UHRF1: variants seen among roughly 807,000 people sequenced by gnomAD.
UHRF1 encodes the protein E3 ubiquitin-protein ligase UHRF1.
UHRF1 carries 9 observed loss-of-function variants against 96.5 expected under a neutral mutation model. The ratio of observed to expected loss-of-function variants is 0.09; its 90% CI spans 0.06 to 0.16. UHRF1 has a LOEUF of 0.16. Ranked by LOEUF, UHRF1 falls within the 10% of genes least tolerant of loss-of-function variation. UHRF1 has a pLI of 1.00. For synonymous variants in UHRF1, 455 were observed against 469.9 expected, an observed-to-expected ratio of 0.97 and a Z score of 0.41; for missense variants, 626 against 1,131.1, an observed-to-expected ratio of 0.55 and a Z score of 6.40.
chr19:4,911,116 C>G, intron 2 of UHRF1, 78 bp downstream of exon 2: 1 of 1,337,224 alleles, frequency 7.5e-7, no homozygotes, highest in Non-Finnish European at 1.0e-6. Flanking sequence ...GATACTTTCT[C>G]CCTCCCACCT....
At chr19:4,919,688 T>G (rs1162407363) in intron 2 of UHRF1, among the ~76,000 whole-genome samples, 1 of 152,160 alleles carries the variant, frequency 6.6e-6, no homozygotes, top group Non-Finnish European at 1.5e-5. Flanking sequence ...CCAGGCACAG[T>G]AGGAGACCTT....
chr19:4,934,795 G>A (rs1393605937), intron 5 of UHRF1, among the ~76,000 whole-genome samples: 1 of 152,166 alleles, frequency 6.6e-6, no homozygotes, highest in African/African-American at 2.4e-5. Context: ...GTGAGCTGCG[G>A]GTGATGGAGG....
chr19:4,949,547 C>T (rs1321392838), intron 11 of UHRF1, among the ~76,000 whole-genome samples: 2 of 151,856 alleles, frequency 1.3e-5, no homozygotes, highest in East Asian at 3.9e-4. Flanking sequence ...AAGACATGGG[C>T]CATGGGTGGT....
chr19:4,939,918 G>T (rs1037936350), intron 5 of UHRF1, among the ~76,000 whole-genome samples: 1 of 151,944 alleles, frequency 6.6e-6, no homozygotes, highest in Non-Finnish European at 1.5e-5. Context: ...CAGCTACTCA[G>T]GAGGCTGAGG....
At chr19:4,946,436 G>C (rs2033567718) in intron 10 of UHRF1, among the ~76,000 whole-genome samples, 1 of 152,014 alleles carries the variant, frequency 6.6e-6, no homozygotes, top group African/African-American at 2.4e-5. Context: ...TGGGCACTGG[G>C]GTTCCTTCCC....
intron 5 of UHRF1, among the ~76,000 whole-genome samples, chr19:4,938,073 G>C (rs1248606983): frequency 6.6e-6 from 1 of 151,936 alleles, no homozygotes; most frequent in Non-Finnish European, 1.5e-5. Context: ...AGAATCGTTT[G>C]AACCTGGGAG....
In UHRF1 at chr19:4,930,603, G is replaced by A. The variant is rs1046682791; in HGVS notation, c.409-113G>A. 3.1e-6 allele frequency: 4 copies of A among 1,307,070 alleles called. No individual in the cohort carries two copies. In the African/African-American group the frequency reaches 4.4e-5, roughly 14 times the overall value. 81.0% of individuals were successfully genotyped at this position (1,307,070 alleles called of 1,614,324 possible). A position where few individuals can be genotyped will look rare whatever the true frequency, so the allele number is the denominator to read the frequency against. ...CCAGGGAGGAGAAACCTCGCTGTGG[G>A]CATTCGAGTTTGCGCCCTGGTTCCA... On this transcript the variant is annotated intron_variant, in intron 3 of 16. Coordinates refer to ENST00000650932, the MANE Select transcript of UHRF1 (RefSeq NM_001048201.3). The surrounding 1 kb of genome is among the most constrained non-coding windows in gnomAD (Gnocchi z 4.4).
At chr19:4,939,829 C>T (rs900952284) in intron 5 of UHRF1, among the ~76,000 whole-genome samples, 38 of 152,122 alleles carry the variant, frequency 2.5e-4, no homozygotes, top group Non-Finnish European at 4.4e-4. Flanking sequence ...TCGAGACCAT[C>T]CTGGCAAACA....
chr19:4,944,109 C>G, intron 7 of UHRF1, 23 bp from the exon 8 acceptor site: 1 of 1,612,538 alleles, frequency 6.2e-7, no homozygotes, highest in Non-Finnish European at 8.5e-7. Context: ...TAGGCGTGGG[C>G]AGTGACAATC....
chr19:4,904,501 G>A (rs545345646), upstream of UHRF1, among the ~76,000 whole-genome samples: 1 of 152,086 alleles, frequency 6.6e-6, no homozygotes, highest in African/African-American at 2.4e-5. Context: ...TTTTAGTAGA[G>A]ACAGGGTTTC....
At chr19:4,914,402 T>C (rs1213567116) in intron 2 of UHRF1, among the ~76,000 whole-genome samples, 2 of 152,138 alleles carry the variant, frequency 1.3e-5, no homozygotes, top group African/African-American at 4.8e-5. Flanking sequence ...ACAGTCTTTT[T>C]TTTTCCCTGT....
chr19:4,926,025 G>A (rs1326737599), intron 2 of UHRF1, among the ~76,000 whole-genome samples: 1 of 152,032 alleles, frequency 6.6e-6, no homozygotes, highest in East Asian at 1.9e-4. Context: ...AGCCTCCCGA[G>A]TAGCTGGGAT....
chr19:4,956,219 C>A (rs957164549), intron 15 of UHRF1, among the ~76,000 whole-genome samples: 2 of 152,218 alleles, frequency 1.3e-5, no homozygotes, highest in Non-Finnish European at 2.9e-5. Context: ...GCGTGAGCCA[C>A]CATGCCCGGC....
At chr19:4,917,079 G>T (rs61082063) in intron 2 of UHRF1, among the ~76,000 whole-genome samples, 1,851 of 150,962 alleles carry the variant, frequency 0.012, 57 homozygotes, top group African/African-American at 0.043. Flanking sequence ...GTGGGGGGGG[G>T]GGGTGCAGTG....
At chr19:4,924,032 T>A (rs2032787305) in intron 2 of UHRF1, among the ~76,000 whole-genome samples, 1 of 152,228 alleles carries the variant, frequency 6.6e-6, no homozygotes, top group South Asian at 2.1e-4. Context: ...AGTGGCGAGA[T>A]CCTGGCTCAC....
At chr19:4,912,169 G>A (rs756194579) in intron 2 of UHRF1, among the ~76,000 whole-genome samples, 2 of 152,176 alleles carry the variant, frequency 1.3e-5, no homozygotes, top group Non-Finnish European at 2.9e-5. Flanking sequence ...TGCCCCGGGA[G>A]GAGGCGATCT....
At chr19:4,927,380 CAAAAA>C (rs35783129) in intron 2 of UHRF1, among the ~76,000 whole-genome samples, 8 of 83,490 alleles carry the variant, frequency 9.6e-5, no homozygotes, top group East Asian at 5.2e-4. Context: ...GACTCCATCT[CAAAAA>C]AAAAAAAAAA....
intron 2 of UHRF1, among the ~76,000 whole-genome samples, chr19:4,915,758 C>T (rs1391452038): frequency 1.3e-5 from 2 of 152,008 alleles, no homozygotes; most frequent in Non-Finnish European, 2.9e-5. Context: ...GAGGTGCAGG[C>T]CAGAATTGTC....
chr19:4,946,732 GC>G (rs1407304536), intron 10 of UHRF1, among the ~76,000 whole-genome samples: 1 of 151,946 alleles, frequency 6.6e-6, no homozygotes, highest in Non-Finnish European at 1.5e-5. Flanking sequence ...GCACTGCCAC[GC>G]CAAACTAATT....
Sources: gnomAD v4.1 joint callset for allele counts (sites outside exome capture counted in the v4.1 genomes callset) on GRCh38, gnomAD v4.1.1 for gene constraint, Gnocchi (gnomAD v3.1) non-coding constraint, MANE v1.5 for transcripts, NCBI Gene and HGNC (gene_info 2026-07-23, HGNC 2026-07-21) for gene names.